MR1: variants seen among roughly 807,000 people sequenced by gnomAD.
MR1 encodes major histocompatibility complex class I-related protein 1.
A neutral mutation model predicts 37.8 loss-of-function variants in MR1; 44 were observed. The ratio of observed to expected loss-of-function variants is 1.16; its 90% CI spans 0.91 to 1.50. The LOEUF (loss-of-function observed/expected upper bound fraction) is 1.50, where lower values mean the gene tolerates loss of function less well. Among genes scored for constraint, MR1 ranks in the 40% most tolerant of loss-of-function variants. MR1 has a pLI of 0.00. For missense variants in MR1, 386 were observed against 419.1 expected (o/e 0.92, Z 0.69); for synonymous variants, 153 against 155.8 (o/e 0.98, Z 0.13).
chr1:181,055,847 T>C lies in MR1; in HGVS notation c.*582T>C, dbSNP rs1366643511. On this transcript the variant is annotated 3_prime_UTR_variant, in exon 6 of 6. Transcript: ENST00000367580. ...CTACAATGGCCTGGGAATGGACTGA[T>C]TATTTTTATACATTTTCTGGCCTGA... is the stretch of plus-strand genomic sequence containing the variant. 1.3e-5 allele frequency: 2 copies of C among 152,484 alleles called. No homozygotes were observed. Among genetic ancestry groups the C allele is most frequent in the Admixed American group, 6.5e-5 (1 of 15,308 alleles). 9.4% of individuals were successfully genotyped at this position (152,484 alleles called of 1,614,324 possible). A position where few individuals can be genotyped will look rare whatever the true frequency, so the allele number is the denominator to read the frequency against.
intron 1 of MR1, among the ~76,000 whole-genome samples, chr1:181,043,522 A>G (rs1178569087): frequency 1.3e-5 from 2 of 152,190 alleles, no homozygotes; most frequent in Non-Finnish European, 2.9e-5. Flanking sequence ...CAGGAATTTG[A>G]GACCAGCCTG....
rs1000201608 is a variant in MR1 at position 181,056,693 on chromosome 1, G to A, written c.*1428G>A. On this transcript the variant is annotated 3_prime_UTR_variant, in exon 6 of 6. Coordinates refer to ENST00000367580, the MANE Select transcript of MR1 (RefSeq NM_001385161.1). ...TGACCCCGTTTGACTCTGCACCTGA[G>A]CCCTAATGCTTACTTCAGTGACCTG... 6.6e-6 allele frequency: 1 copy of A among 152,408 alleles called. No individual in the cohort carries two copies. Among genetic ancestry groups the A allele is most frequent in the African/African-American group, 2.4e-5 (1 of 41,444 alleles). 9.4% of individuals were successfully genotyped at this position (152,408 alleles called of 1,614,324 possible). A position where few individuals can be genotyped will look rare whatever the true frequency, so the allele number is the denominator to read the frequency against.
intron 1 of MR1, among the ~76,000 whole-genome samples, chr1:181,035,490 T>C (rs1274067620): frequency 6.6e-6 from 1 of 151,746 alleles, no homozygotes; most frequent in Non-Finnish European, 1.5e-5. Context: ...ATGGGAAAGA[T>C]TGGGGGTGAG....
chr1:181,040,303 T>C (rs1013318621), intron 1 of MR1, among the ~76,000 whole-genome samples: 2 of 152,168 alleles, frequency 1.3e-5, no homozygotes, highest in Admixed American at 6.5e-5. Context: ...TGATATGAAA[T>C]TGCCATTTTT....
intron 1 of MR1, among the ~76,000 whole-genome samples, chr1:181,047,679 C>A (rs948115844): frequency 9.9e-5 from 15 of 151,288 alleles, no homozygotes; most frequent in African/African-American, 3.6e-4. Flanking sequence ...AGGCGGATCA[C>A]GAGGTCAGGA....
intron 1 of MR1, among the ~76,000 whole-genome samples, chr1:181,046,141 G>C (rs953657479): frequency 5.9e-5 from 9 of 152,174 alleles, no homozygotes; most frequent in Non-Finnish European, 1.2e-4. Context: ...TGTGCGGCCC[G>C]AGCCTCCCCG....
intron 1 of MR1, among the ~76,000 whole-genome samples, chr1:181,048,582 A>G (rs1658070275): frequency 6.6e-6 from 1 of 152,068 alleles, no homozygotes; most frequent in South Asian, 2.1e-4. Flanking sequence ...CTGTGTGTAT[A>G]TGCCCACACG....
chr1:181,043,396 C>A (rs1290720971), intron 1 of MR1, among the ~76,000 whole-genome samples: 2 of 152,210 alleles, frequency 1.3e-5, no homozygotes, highest in South Asian at 2.1e-4. Context: ...TGCTACACCC[C>A]AGCTCCAGGA....
At chr1:181,049,551 G>C in intron 2 of MR1, 1 of 577,030 alleles carries the variant, frequency 1.7e-6, no homozygotes, top group Non-Finnish European at 3.1e-6. Flanking sequence ...CTCTGTATCC[G>C]TATCTGCATC....
chr1:181,046,259 G>C (rs549855528), intron 1 of MR1, among the ~76,000 whole-genome samples: 1 of 152,268 alleles, frequency 6.6e-6, no homozygotes, highest in Non-Finnish European at 1.5e-5. Flanking sequence ...CAGCCCCAGT[G>C]GGGGATCCAC....
At chr1:181,051,101 T>C (rs1251956609) in intron 3 of MR1, 1 of 152,182 alleles carries the variant, frequency 6.6e-6, no homozygotes, top group Non-Finnish European at 1.5e-5. Flanking sequence ...ATGGTCTTGT[T>C]ATTCAAAATT....
Position 181,058,351 on chromosome 1 carries a change from G to C in MR1, c.*3086G>C, listed in dbSNP as rs1334584562. The C allele has an allele frequency of 7.2e-6, 1 of 138,768 alleles. No individual in the cohort carries two copies. The highest frequency in any genetic ancestry group is 2.6e-5 in the African/African-American group (1 of 37,966). The allele number at this position is 138,768 out of a possible 1,614,324, so 8.6% of individuals were successfully genotyped here. On this transcript the variant is annotated 3_prime_UTR_variant, in exon 6 of 6. Coordinates refer to ENST00000367580, the MANE Select transcript of MR1 (RefSeq NM_001385161.1). ...TCCACTGTATTTATTACCTGTTTTT[G>C]TTTTTTTTGTTTGTTTGTTTTTGAT...
At position 181,052,498 on chromosome 1, in the gene MR1, C is replaced by T; in HGVS notation, c.868C>T (p.Gln290Ter). ...GCACTGCGGTGTCCACATGGTTCTT[C>T]AGGTCCCCCAGGGTAAGGACGGGGA... ...VEHCGVHMVL[Q>*]VPQESETIPL... Residue 290 changes from glutamine (Q) to a stop codon, truncating the protein, a stop_gained, in exon 4 of 6, where the codon CAG (glutamine) becomes TAG (stop). Transcript: ENST00000367580. LOFTEE classifies it high-confidence loss of function. 2 of 1,611,044 alleles carry T rather than the reference C, an allele frequency of 1.2e-6. No individual in the cohort carries two copies. The highest frequency in any genetic ancestry group is 1.1e-5 in the South Asian group (1 of 91,036).
At chr1:181,049,590 T>C (rs1658171858) in intron 2 of MR1, 1 of 534,768 alleles carries the variant, frequency 1.9e-6, no homozygotes, top group Admixed American at 3.4e-5. Context: ...CTGATATGCA[T>C]CTCCTTTTCC....
chr1:181,035,387 C>T (rs1006986020), intron 1 of MR1, among the ~76,000 whole-genome samples: 2 of 151,872 alleles, frequency 1.3e-5, no homozygotes, highest in South Asian at 4.2e-4. Context: ...TGATGGCCTA[C>T]TATGTGCCAG....
chr1:181,054,775 C>G (rs891617572), intron 5 of MR1, among the ~76,000 whole-genome samples: 1 of 151,956 alleles, frequency 6.6e-6, no homozygotes, highest in Non-Finnish European at 1.5e-5. Context: ...ACAGGAGAAT[C>G]GCTTGAACCT....
intron 3 of MR1, among the ~76,000 whole-genome samples, 159 bp from the exon 4 acceptor site, chr1:181,052,076 G>A (rs370861189): frequency 6.6e-6 from 1 of 152,174 alleles, no homozygotes; most frequent in Admixed American, 6.5e-5. Context: ...GAAGGTATAC[G>A]TAAATACGTT....
chr1:181,035,160 G>A (rs1657207935), intron 1 of MR1, among the ~76,000 whole-genome samples: 1 of 151,732 alleles, frequency 6.6e-6, no homozygotes, highest in South Asian at 2.1e-4. Flanking sequence ...AATTAGCTCG[G>A]CACACCCATC....
rs758585206 is a variant in MR1, at chr1:181,057,343, G to A, written c.*2078G>A. The A allele has an allele frequency of 6.6e-6, 1 of 152,228 alleles. No homozygotes were observed. Among genetic ancestry groups the A allele is most frequent in the East Asian group, 1.9e-4 (1 of 5,202 alleles). 9.4% of individuals were successfully genotyped at this position (152,228 alleles called of 1,614,324 possible). A position where few individuals can be genotyped will look rare whatever the true frequency, so the allele number is the denominator to read the frequency against. On this transcript the variant is annotated 3_prime_UTR_variant, in exon 6 of 6. Transcript: ENST00000367580. ...TGCCACTTTTAAGCAGTGTTGCACT[G>A]TGAAGAGAATGTAGGCAAGTTTATT...
Sources: gnomAD v4.1 joint callset for allele counts (sites outside exome capture counted in the v4.1 genomes callset) on GRCh38, gnomAD v4.1.1 for gene constraint, MANE v1.5 for transcripts, NCBI Gene and HGNC (gene_info 2026-07-23, HGNC 2026-07-21) for gene names.